The following ATXN7L1 variants were observed in gnomAD, a reference collection of about 807,000 sequenced individuals.
ATXN7L1 encodes the protein ataxin 7 like 1, also known as ataxin-7-like protein 1.
A neutral mutation model predicts 70.8 loss-of-function variants in ATXN7L1; 15 were observed. The ratio of observed to expected loss-of-function variants is 0.21; its 90% CI spans 0.14 to 0.33. The LOEUF is 0.33. Among genes scored for constraint, ATXN7L1 ranks in the 10% least tolerant of loss-of-function variants. ATXN7L1 has a pLI of 1.00. For synonymous variants in ATXN7L1, 440 were observed against 445.1 expected (o/e 0.99, Z 0.14); for missense variants, 975 against 1,097.1 (o/e 0.89, Z 1.57).
At chr7:105,658,990 A>G (rs1159720879) in intron 4 of ATXN7L1, among the ~76,000 whole-genome samples, 3 of 152,214 alleles carry the variant, frequency 2.0e-5, no homozygotes, top group Non-Finnish European at 4.4e-5. Context: ...CACAAAAATT[A>G]GCTGGGTATG....
chr7:105,692,523 T>C (rs1340433318), intron 3 of ATXN7L1, among the ~76,000 whole-genome samples: 1 of 148,954 alleles, frequency 6.7e-6, no homozygotes. Flanking sequence ...CTTGGCTCAC[T>C]GCAACCTCTG....
At chr7:105,726,023 T>C (rs1330903535) in intron 3 of ATXN7L1, among the ~76,000 whole-genome samples, 3 of 151,326 alleles carry the variant, frequency 2.0e-5, no homozygotes, top group African/African-American at 7.3e-5. Context: ...TGTCCCAGCC[T>C]CCTGAGCAGC....
intron 3 of ATXN7L1, among the ~76,000 whole-genome samples, chr7:105,715,194 G>T (rs957405201): frequency 6.6e-6 from 1 of 152,172 alleles, no homozygotes; most frequent in Non-Finnish European, 1.5e-5. Flanking sequence ...AAGAGATCAC[G>T]TGTGGGCTCA....
rs146310508 is a variant in ATXN7L1, at chr7:105,875,626, T to TCCCCCC, written c.250+185_250+186insGGGGGG. The stretch of plus-strand genomic sequence containing the variant: ...TGCCTTCAACAGTCTCACCCCCCTT[T>TCCCCCC]ACCCCCCCCCCAGTTGTATTTATAC... On this transcript the variant is annotated intron_variant, in intron 2 of 11. Transcript: ENST00000419735. 3.2e-4 allele frequency among the ~76,000 whole-genome samples: 19 copies of TCCCCCC among 59,502 alleles called. No homozygotes were observed. The East Asian group carries it at 5.2e-3, about 16-fold the overall frequency. The allele number at this position is 59,502 out of a possible 152,430, so 39.0% of individuals were successfully genotyped here.
At chr7:105,842,196 GTTTT>G (rs11345494) in intron 2 of ATXN7L1, among the ~76,000 whole-genome samples, 1 of 148,564 alleles carries the variant, frequency 6.7e-6, no homozygotes, top group Admixed American at 6.7e-5. Flanking sequence ...AAGTAGAAGG[GTTTT>G]TTTTTTTTGA....
At chr7:105,658,505 C>A (rs74724957) in intron 4 of ATXN7L1, among the ~76,000 whole-genome samples, 4,324 of 149,068 alleles carry the variant, frequency 0.029, 106 homozygotes, top group East Asian at 0.064. Flanking sequence ...GACTAAAACG[C>A]TGTTATGTGG....
chr7:105,874,249 G>A (rs141454489), intron 2 of ATXN7L1, among the ~76,000 whole-genome samples: 94 of 152,092 alleles, frequency 6.2e-4, no homozygotes, highest in African/African-American at 2.1e-3. Context: ...TAGTCATAAC[G>A]CATCACCCAG....
intron 7 of ATXN7L1, among the ~76,000 whole-genome samples, chr7:105,629,577 G>A (rs906025597): frequency 6.6e-6 from 1 of 150,826 alleles, no homozygotes; most frequent in Non-Finnish European, 1.5e-5. Flanking sequence ...GTGCAGTGGC[G>A]TGATCTTGGC....
At chr7:105,654,907 ATT>A (rs201109400) in intron 4 of ATXN7L1, among the ~76,000 whole-genome samples, 93 of 140,868 alleles carry the variant, frequency 6.6e-4, no homozygotes, top group African/African-American at 9.7e-4. Context: ...CGCCTGGCTA[ATT>A]TTTTTTTTTT....
chr7:105,790,870 G>C (rs1207905816), intron 2 of ATXN7L1, among the ~76,000 whole-genome samples: 1 of 152,128 alleles, frequency 6.6e-6, no homozygotes, highest in Non-Finnish European at 1.5e-5. Flanking sequence ...GGTGATACAG[G>C]AATTAAACCT....
At chr7:105,868,993 C>T (rs1280446711) in intron 2 of ATXN7L1, among the ~76,000 whole-genome samples, 1 of 152,154 alleles carries the variant, frequency 6.6e-6, no homozygotes, top group African/African-American at 2.4e-5. Flanking sequence ...TAAAGAAATA[C>T]TCATTTTGGA....
intron 3 of ATXN7L1, among the ~76,000 whole-genome samples, chr7:105,736,527 G>A (rs1281051605): frequency 1.3e-5 from 2 of 152,170 alleles, no homozygotes; most frequent in South Asian, 2.1e-4. Context: ...CACGTTTAAG[G>A]CTCTGATGGG....
rs1330499836 is a variant in ATXN7L1 at position 105,610,617 on chromosome 7, T to C, written c.2473-14A>G. The C allele has an allele frequency of 1.0e-5, 16 of 1,547,356 alleles. No individual in the cohort carries two copies. The highest frequency in any genetic ancestry group is 7.2e-5 in the South Asian group (6 of 83,882). ...ATTTTTCCCAACCTGAAAGACACCA[T>C]TGAAGCCCCACTCAGACACACGAGC... On this transcript the variant is annotated splice_polypyrimidine_tract_variant and intron_variant, in intron 10 of 11. Transcript: ENST00000419735.
Position 105,614,824 on chromosome 7 carries a change from TGA to T in ATXN7L1, c.1518-10_1518-9del. On this transcript the variant is annotated splice_polypyrimidine_tract_variant and intron_variant, in intron 9 of 11. Transcript: ENST00000419735. This position sits in a 1 kb window ranked among gnomAD's most constrained non-coding sequence, Gnocchi z 4.3. The stretch of plus-strand genomic sequence containing the variant: ...GCCGCAGGAGGGATCTTCCTAAACA[TGA>T]GAGAAGAGTGAAAGAGAATCAGTGA... 1.3e-6 allele frequency: 2 copies of T among 1,544,352 alleles called. No homozygotes were observed. Among genetic ancestry groups the T allele is most frequent in the African/African-American group, 2.7e-5 (2 of 72,872 alleles).
rs57440965 is a variant in ATXN7L1, at chr7:105,842,646, T to C, written c.250+33166A>G. Reference sequence around the variant, plus strand: ...TTTGGGTATTTCTACCTTTGGGCTATTGTGAATAGTGCTGCTCTGAATACT... The same window carrying C: ...TTTGGGTATTTCTACCTTTGGGCTACTGTGAATAGTGCTGCTCTGAATACT... On this transcript the variant is annotated intron_variant, in intron 2 of 11. Transcript: ENST00000419735. Among the ~76,000 whole-genome samples, 1,189 of 152,350 alleles carry C rather than the reference T, an allele frequency of 7.8e-3. 17 individuals are homozygous for C. Among genetic ancestry groups the C allele is most frequent in the African/African-American group, 0.027 (1,115 of 41,572 alleles).
intron 2 of ATXN7L1, among the ~76,000 whole-genome samples, chr7:105,803,260 C>T (rs1807083634): frequency 6.6e-6 from 1 of 152,244 alleles, no homozygotes; most frequent in South Asian, 2.1e-4. Flanking sequence ...CAGAGGGCAT[C>T]CATGCATCCA....
chr7:105,859,140 GTAT>G (rs1489679957), intron 2 of ATXN7L1, among the ~76,000 whole-genome samples: 1 of 152,004 alleles, frequency 6.6e-6, no homozygotes, highest in Non-Finnish European at 1.5e-5. Context: ...TGTGATACTG[GTAT>G]TATGATTAGG....
intron 3 of ATXN7L1, among the ~76,000 whole-genome samples, chr7:105,678,421 C>T (rs969174723): frequency 1.6e-4 from 24 of 152,112 alleles, no homozygotes; most frequent in Admixed American, 1.2e-3. Flanking sequence ...CTAGTGAGCC[C>T]GTCAGTCCAC....
intron 3 of ATXN7L1, among the ~76,000 whole-genome samples, chr7:105,687,186 T>C (rs1790030777): frequency 6.6e-6 from 1 of 152,208 alleles, no homozygotes; most frequent in Non-Finnish European, 1.5e-5. Flanking sequence ...CCTGGTTCTA[T>C]AAACTGATGC....
Sources: allele counts gnomAD v4.1 joint callset (sites outside exome capture counted in the v4.1 genomes callset), GRCh38; gene constraint gnomAD v4.1.1; non-coding constraint Gnocchi (gnomAD v3.1); transcripts MANE v1.5; gene names NCBI Gene and HGNC (gene_info 2026-07-23, HGNC 2026-07-21).